The following BECN1 variants were observed in gnomAD, a reference collection of about 807,000 sequenced individuals.
The protein encoded by BECN1 is beclin 1.
BECN1 carries 15 observed loss-of-function variants against 60.1 expected under a neutral mutation model. The ratio of observed to expected loss-of-function variants is 0.25; its 90% confidence interval spans 0.17 to 0.38. BECN1 has a LOEUF of 0.38. Ranked by LOEUF, BECN1 falls within the 10% of genes least tolerant of loss-of-function variation. BECN1 has a pLI of 1.00. For synonymous variants in BECN1, 179 were observed against 201.8 expected, an observed-to-expected ratio of 0.89 and a Z score of 0.96; for missense variants, 424 against 548.2, an observed-to-expected ratio of 0.77 and a Z score of 2.26.
intron 7 of BECN1, 24 bp downstream of exon 7, chr17:42,818,197 A>T: frequency 6.2e-7 from 1 of 1,610,452 alleles, no homozygotes; most frequent in Non-Finnish European, 8.5e-7. Flanking sequence ...GAGTGTGAGA[A>T]GATAGAACAG....
At chr17:42,817,374 C>T (rs1370515934) in intron 7 of BECN1, among the ~76,000 whole-genome samples, 2 of 151,866 alleles carry the variant, frequency 1.3e-5, no homozygotes, top group Non-Finnish European at 2.9e-5. Context: ...CATTTCTATA[C>T]ACTTACTGTC....
intron 1 of BECN1, 47 bp from the exon 2 acceptor site, chr17:42,823,926 GAC>G: frequency 1.3e-6 from 2 of 1,597,896 alleles, no homozygotes; most frequent in Non-Finnish European, 1.7e-6. Flanking sequence ...CGACGCCCTT[GAC>G]CTCCGGCCCG....
intron 7 of BECN1, among the ~76,000 whole-genome samples, chr17:42,817,002 T>C (rs115298453): frequency 8.6e-5 from 13 of 150,760 alleles, no homozygotes; most frequent in Non-Finnish European, 1.6e-4. Context: ...CAAAAAACAG[T>C]GGCTTTTTCC....
chr17:42,819,098 T>A, intron 4 of BECN1: 1 of 564,818 alleles, frequency 1.8e-6, no homozygotes, highest in South Asian at 2.5e-5. Context: ...CTTGGTGGAC[T>A]AAGGAGGGAG....
chr17:42,813,984 GT>G lies in BECN1; in HGVS notation c.1004del (p.Asn335ThrfsTer8). Reference protein sequence around the residue: ...FQRYRLVPYGNHSYLESLTDK... With the variant: ...FQRYRLVPYGXHSYLESLTDK... ...CTGTCAGAGACTCCAGATATGAATGGTTTCCGTAAGGAACAAGTCGGTATCT... is the reference window on the plus strand; with the variant it reads ...CTGTCAGAGACTCCAGATATGAATGGTTCCGTAAGGAACAAGTCGGTATCT... On this transcript the variant is annotated frameshift_variant, in exon 10 of 12. Transcript: ENST00000590099. LOFTEE classifies it high-confidence loss of function. 1 of 1,605,858 alleles carries G rather than the reference GT, an allele frequency of 6.2e-7. No individual in the cohort carries two copies. Among genetic ancestry groups the G allele is most frequent in the Non-Finnish European group, 8.5e-7 (1 of 1,174,274 alleles).
intron 9 of BECN1, 158 bp from the exon 10 acceptor site, chr17:42,814,166 G>C (rs770349069): frequency 2.0e-5 from 11 of 551,984 alleles, no homozygotes; most frequent in Non-Finnish European, 3.5e-5. Flanking sequence ...ATGTTTAAAA[G>C]ATTTTGTTTA....
chr17:42,814,157 T>G (rs368485482), intron 9 of BECN1, 149 bp from the exon 10 acceptor site: 3 of 560,334 alleles, frequency 5.4e-6, no homozygotes, highest in Non-Finnish European at 3.1e-6. Context: ...ATTGAATCCA[T>G]GTTTAAAAGA....
chr17:42,817,968 C>A (rs1015802907), intron 7 of BECN1, among the ~76,000 whole-genome samples: 3 of 152,182 alleles, frequency 2.0e-5, no homozygotes, highest in Admixed American at 6.5e-5. Flanking sequence ...CAGGACAGAG[C>A]CAAGACTGGA....
intron 3 of BECN1, 122 bp downstream of exon 3, chr17:42,820,652 G>A (rs986332218): frequency 8.6e-5 from 80 of 934,276 alleles, no homozygotes; most frequent in Middle Eastern, 5.4e-4. Flanking sequence ...CCAAAAGTCC[G>A]GGAGCTCTAG....
chr17:42,821,208 C>T (rs901113920), intron 2 of BECN1, among the ~76,000 whole-genome samples: 10 of 152,098 alleles, frequency 6.6e-5, no homozygotes, highest in African/African-American at 2.2e-4. Context: ...TACAGGCGTG[C>T]ACCACCATGC....
Position 42,811,643 on chromosome 17 carries a change from C to G in BECN1, c.1184+12G>C. ...TCCTATACAAGTTCACTCAGCATTG[C>G]GCTATACTGACCTGTAGGGAAGACA... is the stretch of plus-strand genomic sequence containing the variant. On this transcript the variant is annotated intron_variant, in intron 11 of 11. Transcript: ENST00000590099. 1 of 1,612,162 alleles carries G rather than the reference C, an allele frequency of 6.2e-7. No homozygotes were observed.
chr17:42,811,333 A>G, intron 11 of BECN1: 1 of 292,320 alleles, frequency 3.4e-6, no homozygotes, highest in Non-Finnish European at 6.2e-6. Flanking sequence ...ATGGGATCCT[A>G]GAAAAATCAA....
chr17:42,813,960 TGTCA>T lies in BECN1; in HGVS notation c.1025_1028del (p.Leu342GlnfsTer91). ...CTTCACAGAGTACCTTAGATTTGTC[TGTCA>T]GAGACTCCAGATATGAATGGTTTCC... On this transcript the variant is annotated frameshift_variant, in exon 10 of 12. Coordinates refer to ENST00000590099, the MANE Select transcript of BECN1 (RefSeq NM_001313998.2). LOFTEE classifies it high-confidence loss of function. 1 of 1,601,134 alleles carries T rather than the reference TGTCA, an allele frequency of 6.2e-7. No homozygotes were observed. Among genetic ancestry groups the T allele is most frequent in the Non-Finnish European group, 8.5e-7 (1 of 1,170,986 alleles).
At position 42,810,632 on chromosome 17, in the gene BECN1, G is replaced by A. The variant is rs535462007; in HGVS notation, c.*128C>T. 3.9e-4 allele frequency: 389 copies of A among 994,172 alleles called. No homozygotes were observed. The highest frequency in any genetic ancestry group is 5.1e-4 in the Non-Finnish European group (363 of 711,896). 61.6% of individuals were successfully genotyped at this position (994,172 alleles called of 1,614,324 possible). On this transcript the variant is annotated 3_prime_UTR_variant, in exon 12 of 12. Coordinates refer to ENST00000590099, the MANE Select transcript of BECN1 (RefSeq NM_001313998.2). Reference sequence around the variant, plus strand: ...GATATTTTAAAATAAAGTGGCTTTTGTGGATTTTTTCTTTTTTGGTATTGT... The same window carrying A: ...GATATTTTAAAATAAAGTGGCTTTTATGGATTTTTTCTTTTTTGGTATTGT...
chr17:42,816,131 T>C, intron 7 of BECN1, 77 bp from the exon 8 acceptor site: 1 of 1,407,528 alleles, frequency 7.1e-7, no homozygotes, highest in Non-Finnish European at 9.6e-7. Flanking sequence ...CTATGAACGA[T>C]TCTTTAGTGA....
chr17:42,814,389 G>A lies in BECN1; in HGVS notation c.980+135C>T, dbSNP rs960175809. On this transcript the variant is annotated intron_variant, in intron 9 of 11. Transcript: ENST00000590099. The stretch of plus-strand genomic sequence containing the variant: ...TGTGATGAGGGGAAAATCAGATGCT[G>A]ACAGCTCTTCAGCCACAGAAAACTC... 3 of 1,213,042 alleles carry A rather than the reference G, an allele frequency of 2.5e-6. No homozygotes were observed. The African/African-American group carries it at 4.5e-5, about 18-fold the overall frequency. The allele number at this position is 1,213,042 out of a possible 1,614,324, so 75.1% of individuals were successfully genotyped here. A position where few individuals can be genotyped will look rare whatever the true frequency, so the allele number is the denominator to read the frequency against.
At chr17:42,813,635 A>G (rs2055083546) in intron 10 of BECN1, 1 of 193,886 alleles carries the variant, frequency 5.2e-6, no homozygotes. Context: ...GAAAAAAAAA[A>G]TCCAAAATCT....
chr17:42,819,651 G>A, intron 3 of BECN1, 42 bp from the exon 4 acceptor site: 1 of 1,595,610 alleles, frequency 6.3e-7, no homozygotes, highest in Non-Finnish European at 8.6e-7. Context: ...TGGCAGCTTA[G>A]AGGTAGAGTT....
intron 9 of BECN1, 107 bp downstream of exon 9, chr17:42,814,417 A>G (rs531451603): frequency 2.0e-6 from 3 of 1,471,460 alleles, no homozygotes; most frequent in Non-Finnish European, 2.8e-6. Context: ...GAAAACTCCC[A>G]GTCTGTGGGC....
Sources: allele counts gnomAD v4.1 joint callset (sites outside exome capture counted in the v4.1 genomes callset), GRCh38; gene constraint gnomAD v4.1.1; transcripts MANE v1.5; gene names NCBI Gene and HGNC (gene_info 2026-07-23, HGNC 2026-07-21).